The following MARCHF1 variants were observed in gnomAD, a reference collection of about 807,000 sequenced individuals.
MARCHF1 encodes membrane associated ring-CH-type finger 1.
Under a neutral mutation model 54.2 loss-of-function variants are expected in MARCHF1, and 40 were observed. That is an observed-to-expected ratio of 0.74 (90% CI 0.57 to 0.96). The LOEUF is 0.96. Ranked by LOEUF, MARCHF1 falls within the 40% of genes least tolerant of loss-of-function variation. The pLI is 0.00. For synonymous variants in MARCHF1, 236 were observed against 236.3 expected (o/e 1.00, Z 0.01); for missense variants, 586 against 656.5 (o/e 0.89, Z 1.17).
At chr4:164,000,716 C>A (rs1371644092) in intron 2 of MARCHF1, among the ~76,000 whole-genome samples, 1 of 151,578 alleles carries the variant, frequency 6.6e-6, no homozygotes, top group Non-Finnish European at 1.5e-5. Flanking sequence ...AATAGCTATA[C>A]TTGGTTTGAA....
At chr4:164,285,819 TAAAA>T (rs78385104) in intron 1 of MARCHF1, among the ~76,000 whole-genome samples, 72 of 95,826 alleles carry the variant, frequency 7.5e-4, no homozygotes, top group Middle Eastern at 6.3e-3. Context: ...TGTAGTTCTT[TAAAA>T]AAAAAAAAAA....
intron 4 of MARCHF1, among the ~76,000 whole-genome samples, chr4:163,780,584 A>C (rs1352729791): frequency 1.3e-5 from 2 of 148,288 alleles, no homozygotes; most frequent in Admixed American, 1.4e-4. Flanking sequence ...GGCTGTAAGA[A>C]AAAAAAGAAC....
intron 3 of MARCHF1, among the ~76,000 whole-genome samples, chr4:163,976,635 C>T (rs1457867156): frequency 1.3e-5 from 2 of 152,138 alleles, no homozygotes; most frequent in South Asian, 2.1e-4. Flanking sequence ...TATCAAAACG[C>T]ATTGCAACTT....
intron 1 of MARCHF1, among the ~76,000 whole-genome samples, chr4:164,114,052 T>G (rs922938876): frequency 1.3e-5 from 2 of 151,914 alleles, no homozygotes; most frequent in African/African-American, 4.8e-5. Context: ...AGGGACAAGT[T>G]GGTAAACTAA....
chr4:163,772,769 C>CCTTTAAAATCAATTGTCCCTTACTA (rs1747197266), intron 4 of MARCHF1, among the ~76,000 whole-genome samples: 1 of 151,990 alleles, frequency 6.6e-6, no homozygotes, highest in Non-Finnish European at 1.5e-5. Context: ...ACCCCCCTTT[C>CCTTTAAAATCAATTGTCCCTTACTA]TCATCTCAGC....
chr4:164,111,750 ATGT>A (rs940787000), intron 1 of MARCHF1, 88 bp from the exon 2 acceptor site: 5 of 151,734 alleles, frequency 3.3e-5, no homozygotes, highest in African/African-American at 4.8e-5. Flanking sequence ...GACCACACAA[ATGT>A]TGTAGAAATT....
intron 5 of MARCHF1, among the ~76,000 whole-genome samples, chr4:163,633,803 C>G (rs1309361782): frequency 6.6e-6 from 1 of 152,040 alleles, no homozygotes; most frequent in South Asian, 2.1e-4. Flanking sequence ...GTCAGATTCA[C>G]CAAAGTTGAA....
chr4:164,240,163 G>A (rs1732696430), intron 1 of MARCHF1, among the ~76,000 whole-genome samples: 1 of 152,164 alleles, frequency 6.6e-6, no homozygotes, highest in Admixed American at 6.5e-5. Context: ...AATGAGCCAC[G>A]AGACTGGAAT....
At chr4:164,040,294 C>T (rs1167985097) in intron 2 of MARCHF1, among the ~76,000 whole-genome samples, 3 of 132,658 alleles carry the variant, frequency 2.3e-5, no homozygotes, top group African/African-American at 8.6e-5. Flanking sequence ...ACACAAGTAT[C>T]TATAAGTACA....
At chr4:163,637,339 C>T (rs1286480927) in intron 5 of MARCHF1, among the ~76,000 whole-genome samples, 2 of 152,056 alleles carry the variant, frequency 1.3e-5, no homozygotes, top group East Asian at 1.9e-4. Flanking sequence ...ATTTTTGCAA[C>T]CTACTCATCT....
At chr4:164,141,037 A>G (rs1462588139) in intron 1 of MARCHF1, among the ~76,000 whole-genome samples, 1 of 152,300 alleles carries the variant, frequency 6.6e-6, no homozygotes, top group South Asian at 2.1e-4. Context: ...ATAACCTGAT[A>G]GTATATTCTC....
intron 7 of MARCHF1, among the ~76,000 whole-genome samples, chr4:163,605,742 T>A (rs1360720278): frequency 1.3e-5 from 2 of 152,196 alleles, no homozygotes; most frequent in Non-Finnish European, 2.9e-5. Flanking sequence ...AAGGATGAGT[T>A]CACGTCCTTA....
chr4:164,258,099 G>A (rs1242655105), intron 1 of MARCHF1, among the ~76,000 whole-genome samples: 1 of 152,058 alleles, frequency 6.6e-6, no homozygotes, highest in Non-Finnish European at 1.5e-5. Context: ...CATGTCCTTT[G>A]CAGGGACATG....
At chr4:164,080,255 A>G (rs1325477315) in intron 2 of MARCHF1, among the ~76,000 whole-genome samples, 1 of 152,238 alleles carries the variant, frequency 6.6e-6, no homozygotes, top group Non-Finnish European at 1.5e-5. Flanking sequence ...TGAATTGACT[A>G]CAGTCTTATG....
intron 2 of MARCHF1, among the ~76,000 whole-genome samples, chr4:164,061,631 T>C (rs1171135853): frequency 1.3e-5 from 2 of 151,072 alleles, no homozygotes; most frequent in East Asian, 2.0e-4. Flanking sequence ...TGTATACATA[T>C]GTAACTAACC....
chr4:164,142,530 C>T (rs36191783), intron 1 of MARCHF1, among the ~76,000 whole-genome samples: 7,729 of 152,256 alleles, frequency 0.051, 245 homozygotes, highest in Middle Eastern at 0.15. Flanking sequence ...CCCCCAGCAG[C>T]CTAACTGGGA....
intron 1 of MARCHF1, among the ~76,000 whole-genome samples, chr4:164,251,626 G>C (rs1306878346): frequency 6.6e-6 from 1 of 152,170 alleles, no homozygotes; most frequent in African/African-American, 2.4e-5. Context: ...ATTACTTCGT[G>C]TATTGATAAA....
intron 2 of MARCHF1, among the ~76,000 whole-genome samples, chr4:164,109,100 C>A (rs944921020): frequency 2.0e-4 from 31 of 152,138 alleles, no homozygotes; most frequent in Non-Finnish European, 2.1e-4. Flanking sequence ...CTTTGTGAAA[C>A]CTGTTACTCT....
At chr4:164,032,171 T>C (rs1753891323) in intron 2 of MARCHF1, among the ~76,000 whole-genome samples, 1 of 152,196 alleles carries the variant, frequency 6.6e-6, no homozygotes, top group Non-Finnish European at 1.5e-5. Flanking sequence ...GTGGGGTCAG[T>C]GGTGATATCC....
Sources: allele counts gnomAD v4.1 joint callset (sites outside exome capture counted in the v4.1 genomes callset), GRCh38; gene constraint gnomAD v4.1.1; transcripts MANE v1.5; gene names NCBI Gene and HGNC (gene_info 2026-07-23, HGNC 2026-07-21).